GCNT2: variants seen among roughly 807,000 people sequenced by gnomAD.
The protein encoded by GCNT2 is N-acetyllactosaminide beta-1,6-N-acetylglucosaminyl-transferase.
Under a neutral mutation model 34.2 loss-of-function variants are expected in GCNT2, and 34 were observed. The ratio of observed to expected loss-of-function variants is 1.00; its 90% CI spans 0.76 to 1.32. The LOEUF is 1.32. Ranked by LOEUF, GCNT2 falls within the 40% of genes most tolerant of loss-of-function variation. The pLI, the probability that GCNT2 is intolerant of heterozygous loss-of-function variation, is 0.00. For missense variants in GCNT2, 584 were observed against 489.4 expected (o/e 1.19, Z -1.82); for synonymous variants, 212 against 188.0 (o/e 1.13, Z -1.04).
chr6:10,608,482 T>C (rs1298334988), intron 3 of GCNT2, among the ~76,000 whole-genome samples: 2 of 152,240 alleles, frequency 1.3e-5, no homozygotes, highest in Non-Finnish European at 2.9e-5. Context: ...CATTTCACTC[T>C]ACCTTTTCCA....
At chr6:10,576,022 T>C (rs1021373733) in intron 3 of GCNT2, among the ~76,000 whole-genome samples, 3 of 152,286 alleles carry the variant, frequency 2.0e-5, no homozygotes, top group African/African-American at 7.2e-5. Context: ...ACACAAAGCC[T>C]GTTTGGTGGT....
At chr6:10,574,575 A>G (rs1189075982) in intron 3 of GCNT2, among the ~76,000 whole-genome samples, 3 of 152,180 alleles carry the variant, frequency 2.0e-5, no homozygotes, top group Non-Finnish European at 4.4e-5. Context: ...AGATCCCAAA[A>G]TTGCAAAATT....
At chr6:10,622,596 GACAA>G (rs1264524127) in intron 4 of GCNT2, among the ~76,000 whole-genome samples, 14 of 151,912 alleles carry the variant, frequency 9.2e-5, no homozygotes, top group African/African-American at 3.4e-4. Context: ...AATTTAGAGA[GACAA>G]ACAATTCAGT....
chr6:10,524,093 A>G (rs1761069772), intron 1 of GCNT2, among the ~76,000 whole-genome samples: 1 of 151,864 alleles, frequency 6.6e-6, no homozygotes, highest in African/African-American at 2.4e-5. Flanking sequence ...TGCGAGATCC[A>G]TGCTGGATCT....
rs1178101505 is a variant in GCNT2, at chr6:10,578,441, C to T, written c.926-42910C>T. 1.1e-4 allele frequency among the ~76,000 whole-genome samples: 15 copies of T among 131,166 alleles called. No individual in the cohort carries two copies. The East Asian group carries it at 2.5e-3, about 22-fold the overall frequency. 86.0% of individuals were successfully genotyped at this position (131,166 alleles called of 152,430 possible). ...GAAGTCCCTGTCTTCATGGAGCTTA[C>T]ATTCTTTTTTTTTTTTTTTTTTTTT... On this transcript the variant is annotated intron_variant, in intron 3 of 4. Coordinates refer to ENST00000495262, the MANE Select transcript of GCNT2 (RefSeq NM_145649.5).
chr6:10,532,316 A>G (rs1164868356), intron 3 of GCNT2, among the ~76,000 whole-genome samples: 1 of 152,256 alleles, frequency 6.6e-6, no homozygotes, highest in Non-Finnish European at 1.5e-5. Flanking sequence ...GCAAAGCAAT[A>G]GAAAACAAAT....
chr6:10,621,505 T>C (rs1766035749), intron 4 of GCNT2, 62 bp downstream of exon 4: 1 of 1,046,582 alleles, frequency 9.6e-7, no homozygotes, highest in Non-Finnish European at 1.5e-6. Flanking sequence ...AAGGTAGCTG[T>C]GGAATCCAGG....
chr6:10,601,553 A>G (rs113368657), intron 3 of GCNT2, among the ~76,000 whole-genome samples: 3 of 152,324 alleles, frequency 2.0e-5, no homozygotes, highest in South Asian at 4.1e-4. Flanking sequence ...AGATGGCTCA[A>G]TGGTTTATTT....
chr6:10,565,241 G>A (rs1387478977), intron 3 of GCNT2, among the ~76,000 whole-genome samples: 2 of 152,230 alleles, frequency 1.3e-5, no homozygotes, highest in African/African-American at 4.8e-5. Context: ...CCTTGCAGGA[G>A]GCCAGAGAAA....
chr6:10,585,307 G>A (rs1764297801), intron 3 of GCNT2, among the ~76,000 whole-genome samples: 1 of 151,856 alleles, frequency 6.6e-6, no homozygotes, highest in Non-Finnish European at 1.5e-5. Flanking sequence ...AACCTCCTGA[G>A]TAGCTGAGAC....
At chr6:10,625,733 G>C (rs1766230338) in intron 4 of GCNT2, among the ~76,000 whole-genome samples, 1 of 152,006 alleles carries the variant, frequency 6.6e-6, no homozygotes, top group South Asian at 2.1e-4. Flanking sequence ...ATCCACGGGG[G>C]GATACATTTC....
intron 3 of GCNT2, among the ~76,000 whole-genome samples, chr6:10,604,917 A>G (rs557056220): frequency 1.4e-3 from 219 of 152,094 alleles, no homozygotes; most frequent in South Asian, 2.9e-3. Context: ...AAGATGTTCA[A>G]TAAAAGACTT....
chr6:10,532,781 C>CT (rs372906567), intron 3 of GCNT2, among the ~76,000 whole-genome samples: 1 of 152,276 alleles, frequency 6.6e-6, no homozygotes, highest in African/African-American at 2.4e-5. Flanking sequence ...TGAGGCAGGG[C>CT]TGAATGTAGG....
chr6:10,563,021 G>T (rs1244899829), intron 3 of GCNT2, among the ~76,000 whole-genome samples: 1 of 152,130 alleles, frequency 6.6e-6, no homozygotes, highest in African/African-American at 2.4e-5. Context: ...AGTTGGGTGT[G>T]GTGCACGCCT....
chr6:10,600,964 G>C (rs2127427244), intron 3 of GCNT2, among the ~76,000 whole-genome samples: 1 of 152,052 alleles, frequency 6.6e-6, no homozygotes. Context: ...CAAATTTTTT[G>C]TATTTTTTGT....
rs1561830857 is a variant in GCNT2 at position 10,601,939 on chromosome 6, T to TTAAAAAAAA, written c.926-19412_926-19411insTAAAAAAAA. 2.9e-4 allele frequency among the ~76,000 whole-genome samples: 22 copies of TTAAAAAAAA among 76,348 alleles called. 1 individual carries two copies. The highest frequency in any genetic ancestry group is 1.6e-3 in the African/African-American group (21 of 13,098). 50.1% of individuals were successfully genotyped at this position (76,348 alleles called of 152,430 possible). ...CTGGGCAACAGAGCGAGACTCCATC[T>TTAAAAAAAA]CAAGAAAAAAAAAAAAAAAAACAAA... On this transcript the variant is annotated intron_variant, in intron 3 of 4. Coordinates refer to ENST00000495262, the MANE Select transcript of GCNT2 (RefSeq NM_145649.5).
chr6:10,526,059 C>A (rs752300228), intron 1 of GCNT2, among the ~76,000 whole-genome samples: 1 of 152,134 alleles, frequency 6.6e-6, no homozygotes, highest in African/African-American at 2.4e-5. Flanking sequence ...TTGATATGGA[C>A]AGGGTCTAAA....
At chr6:10,538,483 G>A (rs1380850244) in intron 3 of GCNT2, among the ~76,000 whole-genome samples, 3 of 139,330 alleles carry the variant, frequency 2.2e-5, no homozygotes, top group Non-Finnish European at 3.0e-5. Context: ...GTCAGGGACC[G>A]TCTGTATTCT....
intron 3 of GCNT2, among the ~76,000 whole-genome samples, chr6:10,563,186 T>C (rs1345728955): frequency 6.6e-6 from 1 of 152,010 alleles, no homozygotes; most frequent in Non-Finnish European, 1.5e-5. Flanking sequence ...ACATCCCTCC[T>C]GTGATATTAG....
Sources: allele counts gnomAD v4.1 joint callset (sites outside exome capture counted in the v4.1 genomes callset), GRCh38; gene constraint gnomAD v4.1.1; transcripts MANE v1.5; gene names NCBI Gene and HGNC (gene_info 2026-07-23, HGNC 2026-07-21).